PLEKHM3: variants seen among roughly 807,000 people sequenced by gnomAD.
PLEKHM3 encodes pleckstrin homology domain-containing family M member 3.
In PLEKHM3, 45 loss-of-function variants were observed where a neutral mutation model predicts 81.8. The ratio of observed to expected loss-of-function variants is 0.55; its 90% confidence interval spans 0.43 to 0.71. The LOEUF is 0.71. PLEKHM3 is among the 30% of genes least tolerant of loss of function. The pLI, the probability that PLEKHM3 is intolerant of heterozygous loss-of-function variation, is 0.00. For missense variants in PLEKHM3, 788 were observed against 924.3 expected (o/e 0.85, Z 1.91); for synonymous variants, 352 against 356.4 (o/e 0.99, Z 0.14).
intron 5 of PLEKHM3, among the ~76,000 whole-genome samples, chr2:207,914,238 G>A (rs1688909677): frequency 6.6e-6 from 1 of 151,986 alleles, no homozygotes; most frequent in African/African-American, 2.4e-5. Flanking sequence ...GCTCACGCCT[G>A]TAATCCCAGC....
intron 3 of PLEKHM3, among the ~76,000 whole-genome samples, chr2:207,953,131 C>A (rs1246412934): frequency 6.7e-6 from 1 of 149,878 alleles, no homozygotes; most frequent in Non-Finnish European, 1.5e-5. Context: ...CGGAAAAAAT[C>A]AATTGCGTGC....
chr2:207,925,866 T>C (rs765986903), intron 5 of PLEKHM3, among the ~76,000 whole-genome samples: 2 of 152,088 alleles, frequency 1.3e-5, no homozygotes, highest in African/African-American at 4.8e-5. Context: ...TTATTTCCTC[T>C]AGTTCTACAG....
chr2:207,862,028 C>T (rs2092470190), intron 6 of PLEKHM3, among the ~76,000 whole-genome samples: 1 of 152,132 alleles, frequency 6.6e-6, no homozygotes, highest in African/African-American at 2.4e-5. Context: ...CATCAGGCCC[C>T]ACAGTCTTGC....
chr2:207,962,993 T>C (rs1409541872), intron 3 of PLEKHM3, among the ~76,000 whole-genome samples: 1 of 149,850 alleles, frequency 6.7e-6, no homozygotes, highest in Non-Finnish European at 1.5e-5. Flanking sequence ...ATAGGGAACA[T>C]GTTAACTGTA....
chr2:207,854,979 CTGATATACAGT>C (rs1171146385), intron 7 of PLEKHM3, among the ~76,000 whole-genome samples: 3 of 152,154 alleles, frequency 2.0e-5, no homozygotes, highest in Non-Finnish European at 4.4e-5. Context: ...ACAAAAGATT[CTGATATACAGT>C]CAGAGGGCAG....
chr2:208,012,994 T>G (rs952837648), intron 1 of PLEKHM3, among the ~76,000 whole-genome samples: 21 of 152,130 alleles, frequency 1.4e-4, no homozygotes, highest in Non-Finnish European at 2.5e-4. Flanking sequence ...AAATAGCTAG[T>G]GGAAAGTAAG....
At chr2:207,945,428 TCTC>T (rs761173917) in intron 4 of PLEKHM3, among the ~76,000 whole-genome samples, 57 of 152,204 alleles carry the variant, frequency 3.7e-4, no homozygotes, top group Non-Finnish European at 6.9e-4. Flanking sequence ...TCTCACTTGC[TCTC>T]CTTTTTAAAA....
chr2:207,962,753 A>C (rs1490576369), intron 3 of PLEKHM3, among the ~76,000 whole-genome samples: 1 of 152,112 alleles, frequency 6.6e-6, no homozygotes, highest in Non-Finnish European at 1.5e-5. Context: ...TGTGCAAATA[A>C]ACCGTGCAAA....
intron 7 of PLEKHM3, among the ~76,000 whole-genome samples, chr2:207,829,783 G>T (rs2092274867): frequency 6.6e-6 from 1 of 152,120 alleles, no homozygotes; most frequent in Admixed American, 6.5e-5. Flanking sequence ...GTTCGAAGAG[G>T]GTTGCGAAGG....
intron 2 of PLEKHM3, among the ~76,000 whole-genome samples, chr2:207,988,151 C>T (rs1378746013): frequency 2.6e-5 from 4 of 152,168 alleles, no homozygotes; most frequent in Non-Finnish European, 4.4e-5. Flanking sequence ...CCTCAAACAC[C>T]TAATTCCACG....
In PLEKHM3 at chr2:208,001,092, A is replaced by G; in HGVS notation, c.548T>C (p.Val183Ala). 1 of 1,576,860 alleles carries G rather than the reference A, an allele frequency of 6.3e-7. No individual in the cohort carries two copies. Among genetic ancestry groups the G allele is most frequent in the Non-Finnish European group, 8.6e-7 (1 of 1,161,202 alleles). ...QQQPLLQGPH[V>A]TRPSFLLPSP... ...GGGCAACAGAAAAGATGGCCTGGTG[A>G]CATGCGGGCCTTGAAGCAATGGCTG... Residue 183 changes from valine (V) to alanine (A), a missense_variant, in exon 2 of 8, where the codon GTC becomes GCC. By Grantham distance (64) the Val-to-Ala change is moderately conservative. Coordinates refer to ENST00000427836, the MANE Select transcript of PLEKHM3 (RefSeq NM_001080475.3).
At chr2:207,960,697 T>C (rs761076723) in intron 3 of PLEKHM3, among the ~76,000 whole-genome samples, 18 of 152,080 alleles carry the variant, frequency 1.2e-4, no homozygotes, top group Non-Finnish European at 2.5e-4. Flanking sequence ...GTGGGTGACA[T>C]TATTGAGAGA....
chr2:208,005,628 C>T (rs2106101461), intron 1 of PLEKHM3, among the ~76,000 whole-genome samples: 1 of 152,294 alleles, frequency 6.6e-6, no homozygotes, highest in Admixed American at 6.5e-5. Flanking sequence ...TAACCTTGAT[C>T]ACCTGGCTTG....
At chr2:207,922,669 G>A (rs1157423223) in intron 5 of PLEKHM3, among the ~76,000 whole-genome samples, 2 of 152,134 alleles carry the variant, frequency 1.3e-5, no homozygotes, top group African/African-American at 4.8e-5. Flanking sequence ...AAAATTAGCT[G>A]GGCGTGGTGG....
intron 6 of PLEKHM3, among the ~76,000 whole-genome samples, chr2:207,863,406 C>T (rs2092478360): frequency 6.6e-6 from 1 of 152,246 alleles, no homozygotes; most frequent in Admixed American, 6.5e-5. Flanking sequence ...CACTCTCCTC[C>T]AAGACAGTGT....
At chr2:207,924,584 C>T (rs1008200127) in intron 5 of PLEKHM3, among the ~76,000 whole-genome samples, 6 of 152,144 alleles carry the variant, frequency 3.9e-5, no homozygotes, top group African/African-American at 1.4e-4. Flanking sequence ...ATTCAGGAGG[C>T]TGAGGCAGGA....
chr2:207,924,106 T>C (rs1010377753), intron 5 of PLEKHM3, among the ~76,000 whole-genome samples: 2 of 150,816 alleles, frequency 1.3e-5, no homozygotes, highest in Admixed American at 1.3e-4. Context: ...GGTTTCACCA[T>C]GTTGGCGAGG....
At chr2:207,986,838 ATTTTT>A (rs370986896) in intron 2 of PLEKHM3, among the ~76,000 whole-genome samples, 3 of 126,296 alleles carry the variant, frequency 2.4e-5, no homozygotes, top group African/African-American at 6.4e-5. Flanking sequence ...TGCCCAGCTA[ATTTTT>A]TTTTTTTTTT....
chr2:207,907,250 C>A (rs1688639481), intron 6 of PLEKHM3, among the ~76,000 whole-genome samples: 1 of 152,176 alleles, frequency 6.6e-6, no homozygotes, highest in Non-Finnish European at 1.5e-5. Flanking sequence ...GTCTGTAATA[C>A]CAGCACTTTA....
Sources: allele counts gnomAD v4.1 joint callset (sites outside exome capture counted in the v4.1 genomes callset), GRCh38; gene constraint gnomAD v4.1.1; transcripts MANE v1.5; gene names NCBI Gene and HGNC (gene_info 2026-07-23, HGNC 2026-07-21).